The following PPP2R1B variants were observed in gnomAD, a reference collection of about 807,000 sequenced individuals.
PPP2R1B encodes serine/threonine-protein phosphatase 2A 65 kDa regulatory subunit A beta isoform.
Under a neutral mutation model 72.7 loss-of-function variants are expected in PPP2R1B, and 58 were observed. That is an observed-to-expected ratio of 0.80 (90% confidence interval 0.65 to 0.99). PPP2R1B has a LOEUF of 0.99. Among genes scored for constraint, PPP2R1B ranks in the 50% least tolerant of loss-of-function variants. The probability of loss-of-function intolerance (pLI) is 0.00; values close to 1 mark genes in which losing one functional copy is unlikely to be tolerated. For missense variants in PPP2R1B, 695 were observed against 733.6 expected (o/e 0.95, Z 0.61); for synonymous variants, 256 against 264.6 (o/e 0.97, Z 0.32).
At position 111,765,472 on chromosome 11, in the gene PPP2R1B, T is replaced by C. The variant is rs1211617463; in HGVS notation, c.115-88A>G. ...CAAAAGGTGCTAACAGGTGAAATTATGACACAGGGGTAAGAATGAAGATAA... is the reference window on the plus strand; with the variant it reads ...CAAAAGGTGCTAACAGGTGAAATTACGACACAGGGGTAAGAATGAAGATAA... On this transcript the variant is annotated intron_variant, in intron 1 of 14. Coordinates refer to ENST00000527614, the MANE Select transcript of PPP2R1B (RefSeq NM_002716.5). The C allele has an allele frequency of 3.2e-5, 33 of 1,039,748 alleles. No individual in the cohort carries two copies. In the South Asian group the frequency reaches 4.5e-4, roughly 14 times the overall value. 64.4% of individuals were successfully genotyped at this position (1,039,748 alleles called of 1,614,324 possible).
At chr11:111,746,176 T>G (rs1591684798) in intron 11 of PPP2R1B, among the ~76,000 whole-genome samples, 1 of 151,782 alleles carries the variant, frequency 6.6e-6, no homozygotes, top group East Asian at 1.9e-4. Context: ...CATCTTAATC[T>G]AAAATGCCAA....
rs749249079 is a variant in PPP2R1B, at chr11:111,738,689, C to T, written c.*2907G>A. ...ATTTCAACAAGACCTCGTTAGAAACCACATATTCACCTGCCTTCCTTCTTA... is the reference window on the plus strand; with the variant it reads ...ATTTCAACAAGACCTCGTTAGAAACTACATATTCACCTGCCTTCCTTCTTA... On this transcript the variant is annotated 3_prime_UTR_variant, in exon 15 of 15. Transcript: ENST00000527614. 2 of 985,406 alleles carry T rather than the reference C, an allele frequency of 2.0e-6. No individual in the cohort carries two copies. The highest frequency in any genetic ancestry group is 2.4e-6 in the Non-Finnish European group (2 of 829,954). The allele number at this position is 985,406 out of a possible 1,614,324, so 61.0% of individuals were successfully genotyped here. A position where few individuals can be genotyped will look rare whatever the true frequency, so the allele number is the denominator to read the frequency against.
chr11:111,725,027 T>C (rs1943924384), downstream of PPP2R1B: 1 of 152,656 alleles, frequency 6.6e-6, no homozygotes, highest in Non-Finnish European at 1.5e-5. Flanking sequence ...TCTTTTCCGA[T>C]GTAATAACTA....
At chr11:111,748,659 C>G (rs1187258885) in intron 10 of PPP2R1B, among the ~76,000 whole-genome samples, 2 of 152,190 alleles carry the variant, frequency 1.3e-5, no homozygotes, top group African/African-American at 4.8e-5. Context: ...AGTCCTCTAA[C>G]CCCGGGGCTT....
chr11:111,737,930 G>A lies in PPP2R1B; in HGVS notation c.*3666C>T. The A allele has an allele frequency of 9.6e-7, 1 of 1,044,704 alleles. No homozygotes were observed. Among genetic ancestry groups the A allele is most frequent in the Non-Finnish European group, 1.2e-6 (1 of 865,472 alleles). 64.7% of individuals were successfully genotyped at this position (1,044,704 alleles called of 1,614,324 possible). ...CAACTCTGGAGACAGAAATGGCTTG[G>A]CTTTCCGACGCAATGAGTAATTAAA... On this transcript the variant is annotated 3_prime_UTR_variant, in exon 15 of 15. Transcript: ENST00000527614.
intron 14 of PPP2R1B, 79 bp from the exon 15 acceptor site, chr11:111,741,691 A>C: frequency 1.4e-6 from 2 of 1,474,076 alleles, no homozygotes; most frequent in Admixed American, 1.8e-5. Context: ...GCACAATAAC[A>C]ATGATCCAAA....
rs1944408776 is a variant in PPP2R1B, at chr11:111,738,507, G to C, written c.*3089C>G. ...CAGGAAGGACAGGCTTGCTTCCCTG[G>C]AAGTCTACGCAAGCAACCTGAATGC... On this transcript the variant is annotated 3_prime_UTR_variant, in exon 15 of 15. Coordinates refer to ENST00000527614, the MANE Select transcript of PPP2R1B (RefSeq NM_002716.5). 2.0e-6 allele frequency: 2 copies of C among 985,314 alleles called. No individual in the cohort carries two copies. Among genetic ancestry groups the C allele is most frequent in the Non-Finnish European group, 2.4e-6 (2 of 829,954 alleles). The allele number at this position is 985,314 out of a possible 1,614,324, so 61.0% of individuals were successfully genotyped here.
chr11:111,703,389 A>G, the PPP2R1B span: 1 of 1,613,948 alleles, frequency 6.2e-7, no homozygotes, highest in Admixed American at 1.7e-5. Flanking sequence ...CGACTGATGC[A>G]CAGCCTTGGA....
At chr11:111,701,103 T>A in the PPP2R1B span, 1 of 1,463,620 alleles carries the variant, frequency 6.8e-7, no homozygotes, top group Non-Finnish European at 9.2e-7. The surrounding 1 kb of genome is among the most constrained non-coding windows in gnomAD (Gnocchi z 4.2). Context: ...ACTTAACACA[T>A]AAGCAGTATT....
chr11:111,744,475 A>G (rs1477570920), intron 11 of PPP2R1B, among the ~76,000 whole-genome samples: 1 of 152,230 alleles, frequency 6.6e-6, no homozygotes, highest in Non-Finnish European at 1.5e-5. Flanking sequence ...TATCAAAGAC[A>G]TAAAGCTAGA....
At chr11:111,699,870 G>A in the PPP2R1B span, among the ~76,000 whole-genome samples, 1 of 152,184 alleles carries the variant, frequency 6.6e-6, no homozygotes, top group Admixed American at 6.5e-5. Context: ...AATCTGTCTG[G>A]CAGTAGAGAC....
chr11:111,727,176 C>G (rs1253106414), intron 15 of PPP2R1B: 7 of 817,568 alleles, frequency 8.6e-6, no homozygotes, highest in Non-Finnish European at 1.4e-5. Context: ...CCTTCTGTCA[C>G]CGTGGGAAAA....
chr11:111,698,306 G>A, the PPP2R1B span, among the ~76,000 whole-genome samples: 4 of 152,220 alleles, frequency 2.6e-5, no homozygotes, highest in Admixed American at 2.6e-4. Flanking sequence ...TGCCTGTGAA[G>A]TGTACTATGA....
chr11:111,727,125 G>A (rs2135990150), intron 15 of PPP2R1B: 2 of 1,407,922 alleles, frequency 1.4e-6, no homozygotes, highest in South Asian at 2.3e-5. Context: ...CGGTGACACT[G>A]ACCGTCCCCA....
At position 111,740,439 on chromosome 11, in the gene PPP2R1B, C is replaced by T. The variant is rs1944480594; in HGVS notation, c.*1157G>A. 4.1e-6 allele frequency: 4 copies of T among 975,074 alleles called. No homozygotes were observed. Among genetic ancestry groups the T allele is most frequent in the South Asian group, 9.5e-5 (2 of 21,074 alleles). The allele number at this position is 975,074 out of a possible 1,614,324, so 60.4% of individuals were successfully genotyped here. A position where few individuals can be genotyped will look rare whatever the true frequency, so the allele number is the denominator to read the frequency against. ...TTCACCATGTTGGTCAGGCTGATCT[C>T]GAATTCTTGACCTCAAATGATCCCA... On this transcript the variant is annotated 3_prime_UTR_variant, in exon 15 of 15. Coordinates refer to ENST00000527614, the MANE Select transcript of PPP2R1B (RefSeq NM_002716.5).
At chr11:111,724,185 T>G (rs1372984008), downstream of PPP2R1B, 1 of 1,542,240 alleles carries the variant, frequency 6.5e-7, no homozygotes, top group Non-Finnish European at 8.7e-7. Flanking sequence ...GTTCCTATTT[T>G]TATTCCAGCC....
chr11:111,752,021 T>C, intron 10 of PPP2R1B, 138 bp downstream of exon 10: 1 of 944,214 alleles, frequency 1.1e-6, no homozygotes, highest in Non-Finnish European at 1.5e-6. Context: ...AAAACCATCC[T>C]ATAGGTAACA....
At chr11:111,752,089 C>T in intron 10 of PPP2R1B, 70 bp downstream of exon 10, 1 of 1,466,128 alleles carries the variant, frequency 6.8e-7, no homozygotes, top group South Asian at 1.4e-5. Context: ...GCTACTAGGC[C>T]TCCTACTTGC....
chr11:111,765,919 C>G, intron 1 of PPP2R1B: 1 of 516,114 alleles, frequency 1.9e-6, no homozygotes, highest in South Asian at 1.5e-5. Context: ...CGCGCTTCTC[C>G]TGCTCCCTCG....
Sources: gnomAD v4.1 joint callset for allele counts (sites outside exome capture counted in the v4.1 genomes callset) on GRCh38, gnomAD v4.1.1 for gene constraint, Gnocchi (gnomAD v3.1) non-coding constraint, MANE v1.5 for transcripts, NCBI Gene and HGNC (gene_info 2026-07-23, HGNC 2026-07-21) for gene names.